SLC44A1: variants seen among roughly 807,000 people sequenced by gnomAD.
SLC44A1 encodes choline transporter-like protein 1.
SLC44A1 carries 26 observed loss-of-function variants against 79.3 expected under a neutral mutation model. The ratio of observed to expected loss-of-function variants is 0.33; its 90% CI spans 0.24 to 0.46. The LOEUF (loss-of-function observed/expected upper bound fraction) is 0.46, where lower values mean the gene tolerates loss of function less well. Among genes scored for constraint, SLC44A1 ranks in the 20% least tolerant of loss-of-function variants. The pLI is 1.00. For synonymous variants in SLC44A1, 263 were observed against 286.2 expected, an observed-to-expected ratio of 0.92 and a Z score of 0.82; for missense variants, 688 against 798.1, an observed-to-expected ratio of 0.86 and a Z score of 1.66.
At position 105,358,423 on chromosome 9, in the gene SLC44A1, C is replaced by G; in HGVS notation, c.750C>G (p.Leu250=). ...GGATCTTAACGATTCTGGTCATACT[C>G]GGTTCACTTGGTAAGCTATTTATTT... ...LVWILTILVI[L]GSLGGTGVLW... Residue 250 remains leucine (L), a synonymous_variant, in exon 7 of 16, where the codon CTC becomes CTG. Coordinates refer to ENST00000374720, the MANE Select transcript of SLC44A1 (RefSeq NM_080546.5). 1 of 1,567,848 alleles carries G rather than the reference C, an allele frequency of 6.4e-7. No individual in the cohort carries two copies. The highest frequency in any genetic ancestry group is 2.2e-5 in the East Asian group (1 of 44,516).
At chr9:105,424,066 G>A (rs1322171488) in intron 15 of SLC44A1, among the ~76,000 whole-genome samples, 1 of 152,166 alleles carries the variant, frequency 6.6e-6, no homozygotes, top group African/African-American at 2.4e-5. Flanking sequence ...GTACAGTATT[G>A]TACTTTATGG....
intron 15 of SLC44A1, among the ~76,000 whole-genome samples, chr9:105,436,640 G>A (rs1481545242): frequency 1.3e-5 from 2 of 152,134 alleles, no homozygotes; most frequent in Non-Finnish European, 2.9e-5. Flanking sequence ...GAGGTGTTGT[G>A]GAAAATAGGA....
chr9:105,429,366 G>T (rs556032099), intron 15 of SLC44A1, among the ~76,000 whole-genome samples: 1 of 152,180 alleles, frequency 6.6e-6, no homozygotes, highest in African/African-American at 2.4e-5. Context: ...GCAGTGGCAC[G>T]ATCACAGCTC....
Position 105,348,425 on chromosome 9 carries a change from C to T in SLC44A1, c.474C>T (p.Leu158=). 1 of 1,609,380 alleles carries T rather than the reference C, an allele frequency of 6.2e-7. No individual in the cohort carries two copies. The highest frequency in any genetic ancestry group is 1.1e-5 in the South Asian group (1 of 90,948). ...CTACATCTCCAAAATCTTCTGTTCT[C>T]TGCCCCAAACTACCAGTTCCAGCGA... ...EYTTSPKSSV[L]CPKLPVPASA... Residue 158 remains leucine, a synonymous_variant, in exon 5 of 16, where the codon CTC becomes CTT. Transcript: ENST00000374720.
At chr9:105,321,048 T>C (rs1162850196) in intron 3 of SLC44A1, among the ~76,000 whole-genome samples, 1 of 152,218 alleles carries the variant, frequency 6.6e-6, no homozygotes, top group Non-Finnish European at 1.5e-5. Context: ...CATCTTTTGA[T>C]GAGCAAAAGT....
In SLC44A1 at chr9:105,390,430, CA is replaced by C. The variant is rs34048538; in HGVS notation, c.*1395del. The C allele has an allele frequency of 0.042, 33,925 of 809,790 alleles. 1 individual carries two copies. Among genetic ancestry groups the C allele is most frequent in the Middle Eastern group, 0.047 (71 of 1,514 alleles). The allele number at this position is 809,790 out of a possible 1,614,324, so 50.2% of individuals were successfully genotyped here. On this transcript the variant is annotated 3_prime_UTR_variant, in exon 16 of 16. Transcript: ENST00000374720. Reference sequence around the variant, plus strand: ...TATTGCACTAAATACAGGCTCTGTACAAAAAAAAAAAAAAAAAAAAAGCCTC... The same window carrying C: ...TATTGCACTAAATACAGGCTCTGTACAAAAAAAAAAAAAAAAAAAAGCCTC...
In SLC44A1 at chr9:105,394,657, A is replaced by T; in HGVS notation, c.*5601A>T. The T allele has an allele frequency of 4.1e-6, 4 of 985,366 alleles. No homozygotes were observed. Among genetic ancestry groups the T allele is most frequent in the Non-Finnish European group, 4.8e-6 (4 of 829,862 alleles). 61.0% of individuals were successfully genotyped at this position (985,366 alleles called of 1,614,324 possible). ...GTTATCAGTATACTACTGTCTTAAA[A>T]TATATTTGTCAACATGTCCAGTTCC... is the stretch of plus-strand genomic sequence containing the variant. On this transcript the variant is annotated 3_prime_UTR_variant, in exon 16 of 16. Transcript: ENST00000374720.
At position 105,390,564 on chromosome 9, in the gene SLC44A1, G is replaced by A. The variant is rs945096256; in HGVS notation, c.*1508G>A. The A allele has an allele frequency of 7.1e-6, 7 of 985,322 alleles. No individual in the cohort carries two copies. The African/African-American group carries it at 1.2e-4, about 17-fold the overall frequency. The allele number at this position is 985,322 out of a possible 1,614,324, so 61.0% of individuals were successfully genotyped here. On this transcript the variant is annotated 3_prime_UTR_variant, in exon 16 of 16. Transcript: ENST00000374720. ...TATTATGGAAATGCATACAAGTAAT[G>A]TCACTAGGGCTTAATAAGCAGCCGT...
chr9:105,431,385 G>T (rs1439649631), intron 15 of SLC44A1, among the ~76,000 whole-genome samples: 1 of 152,124 alleles, frequency 6.6e-6, no homozygotes, highest in East Asian at 1.9e-4. Context: ...AAATCAATTG[G>T]CCATAGATAT....
chr9:105,280,508 T>G (rs1300821539), intron 1 of SLC44A1, among the ~76,000 whole-genome samples: 1 of 152,236 alleles, frequency 6.6e-6, no homozygotes, highest in Admixed American at 6.5e-5. Context: ...TAAATAAGAA[T>G]TTATTATTTG....
intron 15 of SLC44A1, among the ~76,000 whole-genome samples, chr9:105,423,147 A>C (rs1390102111): frequency 6.6e-6 from 1 of 152,124 alleles, no homozygotes; most frequent in African/African-American, 2.4e-5. Context: ...TGTATTAAAA[A>C]TCTCAAGAAT....
chr9:105,370,575 A>C (rs1828065510), intron 12 of SLC44A1, among the ~76,000 whole-genome samples: 1 of 152,208 alleles, frequency 6.6e-6, no homozygotes, highest in Non-Finnish European at 1.5e-5. Flanking sequence ...GATAAGAAAG[A>C]AGCAAAAGAG....
chr9:105,364,452 G>T (rs1017538552), intron 9 of SLC44A1, 103 bp from the exon 10 acceptor site: 2 of 869,300 alleles, frequency 2.3e-6, no homozygotes. Context: ...CAGATCAGAA[G>T]GTTTGTGGCT....
chr9:105,256,285 T>C (rs1244774599), intron 1 of SLC44A1, among the ~76,000 whole-genome samples: 1 of 152,200 alleles, frequency 6.6e-6, no homozygotes, highest in East Asian at 1.9e-4. Flanking sequence ...GTGCTGGAAT[T>C]ACAGGCATGA....
chr9:105,354,293 G>A (rs541414013), intron 5 of SLC44A1, among the ~76,000 whole-genome samples: 1 of 151,288 alleles, frequency 6.6e-6, no homozygotes, highest in Non-Finnish European at 1.5e-5. Context: ...CTCGTGATCC[G>A]CCCGCCTCGG....
At chr9:105,356,513 T>C (rs1177260078) in intron 6 of SLC44A1, 132 bp downstream of exon 6, 1 of 588,666 alleles carries the variant, frequency 1.7e-6, no homozygotes, top group Non-Finnish European at 3.0e-6. Flanking sequence ...AATCATTGTT[T>C]CAGATTATAT....
chr9:105,327,649 A>G (rs1224916124), intron 3 of SLC44A1, among the ~76,000 whole-genome samples: 1 of 152,088 alleles, frequency 6.6e-6, no homozygotes, highest in Non-Finnish European at 1.5e-5. Context: ...TCTTGTTTTC[A>G]GCTGTGCCAT....
At chr9:105,416,744 A>C (rs1829176971) in intron 15 of SLC44A1, among the ~76,000 whole-genome samples, 1 of 152,244 alleles carries the variant, frequency 6.6e-6, no homozygotes, top group Non-Finnish European at 1.5e-5. Flanking sequence ...CCCACCTGCC[A>C]AGAAGGTTAG....
intron 4 of SLC44A1, among the ~76,000 whole-genome samples, chr9:105,347,148 C>T (rs1827267680): frequency 6.6e-6 from 1 of 152,016 alleles, no homozygotes; most frequent in Admixed American, 6.6e-5. Context: ...CCTTCCAGTT[C>T]CTTCTCATAT....
Sources: gnomAD v4.1 joint callset for allele counts (sites outside exome capture counted in the v4.1 genomes callset) on GRCh38, gnomAD v4.1.1 for gene constraint, MANE v1.5 for transcripts, NCBI Gene and HGNC (gene_info 2026-07-23, HGNC 2026-07-21) for gene names.